PARD3B: variants seen among roughly 807,000 people sequenced by gnomAD.
PARD3B encodes par-3 family cell polarity regulator beta.
Under a neutral mutation model 130.2 loss-of-function variants are expected in PARD3B, and 103 were observed. That is an observed-to-expected ratio of 0.79 (90% CI 0.67 to 0.93). The LOEUF (loss-of-function observed/expected upper bound fraction) is 0.93. Ranked by LOEUF, PARD3B falls within the 40% of genes least tolerant of loss-of-function variation. The probability of loss-of-function intolerance (pLI) is 0.00; values close to 1 mark genes in which losing one functional copy is unlikely to be tolerated. For synonymous variants in PARD3B, 583 were observed against 553.2 expected, an observed-to-expected ratio of 1.05 and a Z score of -0.76; for missense variants, 1,609 against 1,499.2, an observed-to-expected ratio of 1.07 and a Z score of -1.21.
intron 2 of PARD3B, among the ~76,000 whole-genome samples, chr2:204,718,124 C>G (rs1159307867): frequency 6.6e-6 from 1 of 151,976 alleles, no homozygotes; most frequent in Non-Finnish European, 1.5e-5. Context: ...ATTGTCAGGA[C>G]CTGAAGAAAT....
intron 3 of PARD3B, among the ~76,000 whole-genome samples, chr2:204,982,824 C>G (rs905938719): frequency 5.9e-5 from 9 of 152,142 alleles, no homozygotes; most frequent in African/African-American, 2.2e-4. Flanking sequence ...GTCATTGTAT[C>G]TGATAAAAAG....
chr2:204,616,475 C>T (rs562014463), intron 1 of PARD3B, among the ~76,000 whole-genome samples: 1 of 152,256 alleles, frequency 6.6e-6, no homozygotes, highest in Admixed American at 6.5e-5. Flanking sequence ...ACACCAAATG[C>T]TATTGAGAAC....
In PARD3B at chr2:205,220,087, A is replaced by AAAGGAAGC. The variant is rs2038158666; in HGVS notation, c.2141-25688_2141-25681dup. On this transcript the variant is annotated intron_variant, in intron 15 of 22. Coordinates refer to ENST00000406610, the MANE Select transcript of PARD3B (RefSeq NM_001302769.2). ...GTAAATTCCTGTATTTGGGTTCAAA[A>AAAGGAAGC]AAGGAAGCAACTGCTTCCTGCCTTA... Among the ~76,000 whole-genome samples, 6 of 152,306 alleles carry AAAGGAAGC rather than the reference A, an allele frequency of 3.9e-5. No homozygotes were observed. In the South Asian group the frequency reaches 1.2e-3, roughly 32 times the overall value.
At chr2:205,040,029 T>C (rs993568922) in intron 3 of PARD3B, among the ~76,000 whole-genome samples, 6 of 152,334 alleles carry the variant, frequency 3.9e-5, no homozygotes, top group African/African-American at 4.8e-5. Context: ...AGTGGCACAA[T>C]CTCGGCTCCC....
At chr2:204,981,449 G>A (rs1023069925) in intron 3 of PARD3B, among the ~76,000 whole-genome samples, 9 of 152,316 alleles carry the variant, frequency 5.9e-5, no homozygotes, top group East Asian at 1.9e-4. Flanking sequence ...AATAGAAGGT[G>A]TAAGGAGTTA....
At chr2:205,001,404 G>C (rs1694818455) in intron 3 of PARD3B, among the ~76,000 whole-genome samples, 1 of 152,150 alleles carries the variant, frequency 6.6e-6, no homozygotes, top group Non-Finnish European at 1.5e-5. Flanking sequence ...TGTTGGAATA[G>C]GCTGAACCCC....
At chr2:204,702,551 G>A (rs1260146788) in intron 2 of PARD3B, among the ~76,000 whole-genome samples, 1 of 152,000 alleles carries the variant, frequency 6.6e-6, no homozygotes, top group Non-Finnish European at 1.5e-5. Flanking sequence ...TTTGAAAAGT[G>A]TTCGTGTCTT....
chr2:205,451,548 C>T (rs1285205334), intron 20 of PARD3B, among the ~76,000 whole-genome samples: 5 of 151,820 alleles, frequency 3.3e-5, no homozygotes, highest in South Asian at 2.1e-4. Flanking sequence ...ATAGTACTTT[C>T]GTCAAATATA....
intron 15 of PARD3B, among the ~76,000 whole-genome samples, chr2:205,218,220 G>A (rs1394486952): frequency 6.6e-6 from 1 of 151,842 alleles, no homozygotes; most frequent in African/African-American, 2.4e-5. Context: ...GTCCTAAATT[G>A]TTGAAGCAAT....
In PARD3B at chr2:205,187,302, G is replaced by A. The variant is rs1024195446; in HGVS notation, c.2024+1439G>A. Among the ~76,000 whole-genome samples the A allele has an allele frequency of 2.0e-5, 3 of 152,216 alleles. No homozygotes were observed. Among genetic ancestry groups the A allele is most frequent in the Admixed American group, 1.3e-4 (2 of 15,278 alleles). ...CGGGAGAGTAAATTGAATTGTACAA[G>A]GTGGAGCTGATCAGCCAGATGATAA... On this transcript the variant is annotated intron_variant, in intron 14 of 22. Coordinates refer to ENST00000406610, the MANE Select transcript of PARD3B (RefSeq NM_001302769.2). The surrounding 1 kb of genome is among the most constrained non-coding windows in gnomAD (Gnocchi z 4.9).
At position 205,568,029 on chromosome 2, in the gene PARD3B, C is replaced by T. The variant is rs1482515762; in HGVS notation, c.3260+14626C>T. Among the ~76,000 whole-genome samples the T allele has an allele frequency of 6.6e-6, 1 of 152,174 alleles. No homozygotes were observed. ...TGGTTAAGAGTTGTTCCTAAGATAT[C>T]AACTCCCCAGCACTTCTTCCTGTCC... is the stretch of plus-strand genomic sequence containing the variant. On this transcript the variant is annotated intron_variant, in intron 22 of 22. Coordinates refer to ENST00000406610, the MANE Select transcript of PARD3B (RefSeq NM_001302769.2). This position sits in a 1 kb window ranked among gnomAD's most constrained non-coding sequence, Gnocchi z 5.3.
chr2:204,563,329 C>T (rs966322143), intron 1 of PARD3B, among the ~76,000 whole-genome samples: 6 of 146,382 alleles, frequency 4.1e-5, no homozygotes, highest in Admixed American at 2.7e-4. Context: ...CTAATGACCT[C>T]GTCTTAATTT....
At chr2:205,547,453 A>C (rs1332349547) in intron 21 of PARD3B, among the ~76,000 whole-genome samples, 1 of 152,186 alleles carries the variant, frequency 6.6e-6, no homozygotes, top group African/African-American at 2.4e-5. Context: ...TACCATAGTA[A>C]TGAGCTTATA....
intron 11 of PARD3B, among the ~76,000 whole-genome samples, chr2:205,166,459 G>A (rs1159257886): frequency 2.0e-5 from 3 of 152,132 alleles, no homozygotes; most frequent in Non-Finnish European, 2.9e-5. Context: ...GAAAATAGAG[G>A]TCTTATTTGG....
In PARD3B at chr2:205,330,806, A is replaced by T. The variant is rs568425480; in HGVS notation, c.2630+29105A>T. Among the ~76,000 whole-genome samples, 11 of 152,322 alleles carry T rather than the reference A, an allele frequency of 7.2e-5. No individual in the cohort carries two copies. The East Asian group carries it at 2.1e-3, about 29-fold the overall frequency. On this transcript the variant is annotated intron_variant, in intron 18 of 22. Transcript: ENST00000406610. ...ACTCCCAAGACAGTGCGGAGCAAGA[A>T]GGGTTAGAGAAAGGAGAGGAAGGAG...
At chr2:205,188,783 C>CAAAAA (rs68034154) in intron 14 of PARD3B, among the ~76,000 whole-genome samples, 3 of 97,398 alleles carry the variant, frequency 3.1e-5, no homozygotes, top group African/African-American at 7.5e-5. Context: ...TTCTGCCTTT[C>CAAAAA]AAAAAAAAAA....
intron 2 of PARD3B, among the ~76,000 whole-genome samples, chr2:204,814,319 T>C (rs1044695527): frequency 2.6e-5 from 4 of 151,758 alleles, no homozygotes; most frequent in Non-Finnish European, 5.9e-5. Context: ...TCCTGAAACT[T>C]TACTAAATCA....
chr2:205,614,442 G>C (rs539029211), intron 22 of PARD3B, among the ~76,000 whole-genome samples: 1 of 152,174 alleles, frequency 6.6e-6, no homozygotes, highest in South Asian at 2.1e-4. Flanking sequence ...AGTGGCTCAC[G>C]CCTGTAATCT....
At chr2:205,310,884 C>T (rs1011800532) in intron 18 of PARD3B, among the ~76,000 whole-genome samples, 5 of 151,752 alleles carry the variant, frequency 3.3e-5, no homozygotes, top group Admixed American at 2.0e-4. Context: ...CCACCACACC[C>T]GGCTAATTTT....
Sources: gnomAD v4.1 joint callset for allele counts (sites outside exome capture counted in the v4.1 genomes callset) on GRCh38, gnomAD v4.1.1 for gene constraint, Gnocchi (gnomAD v3.1) non-coding constraint, MANE v1.5 for transcripts, NCBI Gene and HGNC (gene_info 2026-07-23, HGNC 2026-07-21) for gene names.